The following MAP2 variants were observed in gnomAD, a reference collection of about 807,000 sequenced individuals.
MAP2 encodes microtubule associated protein 2, also known as microtubule-associated protein 2.
In MAP2, 14 loss-of-function variants were observed where a neutral mutation model predicts 137.6. The observed-to-expected ratio is 0.10, with a 90% confidence interval of 0.07 to 0.16. The LOEUF (loss-of-function observed/expected upper bound fraction) is 0.16, where lower values mean the gene tolerates loss of function less well. Ranked by LOEUF, MAP2 falls within the 10% of genes least tolerant of loss-of-function variation. The pLI, the probability that MAP2 is intolerant of heterozygous loss-of-function variation, is 1.00. For missense variants in MAP2, 2,088 were observed against 2,191.5 expected (o/e 0.95, Z 0.94); for synonymous variants, 786 against 782.3 (o/e 1.00, Z -0.08).
intron 2 of MAP2, among the ~76,000 whole-genome samples, chr2:209,551,813 A>G (rs1281600655): frequency 6.6e-6 from 1 of 152,222 alleles, no homozygotes; most frequent in Non-Finnish European, 1.5e-5. Context: ...ATATGCTGTT[A>G]CTTTGTACAC....
Position 209,696,625 on chromosome 2 carries a change from C to T in MAP2, c.4264C>T (p.Leu1422Phe). 1 of 1,613,760 alleles carries T rather than the reference C, an allele frequency of 6.2e-7. No homozygotes were observed. Among genetic ancestry groups the T allele is most frequent in the Non-Finnish European group, 8.5e-7 (1 of 1,179,860 alleles). The change falls in exon 9 of 16, where the codon CTT becomes TTT. Residue 1422 changes from leucine (L) to phenylalanine (F), a missense_variant. Transcript: ENST00000682079. ...KAEKEARRSS[L>F]EKHRKEKPFK... ...TGAAAAGGAAGCTCGGAGATCATCT[C>T]TTGAGAAACATAGAAAAGAAAAGCC...
chr2:209,581,606 T>C (rs756404104), intron 3 of MAP2, among the ~76,000 whole-genome samples: 11 of 152,176 alleles, frequency 7.2e-5, no homozygotes, highest in Non-Finnish European at 1.3e-4. Flanking sequence ...AAAATCTATT[T>C]GGTATTTGCC....
At chr2:209,536,823 A>T (rs1034748506) in intron 2 of MAP2, among the ~76,000 whole-genome samples, 2 of 152,216 alleles carry the variant, frequency 1.3e-5, no homozygotes, top group African/African-American at 4.8e-5. Flanking sequence ...GTCAGACAGA[A>T]CATAAATTTA....
rs189058830 is a variant in MAP2 at position 209,640,036 on chromosome 2, A to G, written c.-29-13106A>G. Among the ~76,000 whole-genome samples, 325 of 152,252 alleles carry G rather than the reference A, an allele frequency of 2.1e-3. 3 individuals are homozygous for G. Among genetic ancestry groups the G allele is most frequent in the African/African-American group, 6.9e-3 (286 of 41,546 alleles). Reference sequence around the variant, plus strand: ...CCAAGTCTCAAAAACAAACAAAACAAAAACAAAAATGTAGGATTTGGTCAT... The same window carrying G: ...CCAAGTCTCAAAAACAAACAAAACAGAAACAAAAATGTAGGATTTGGTCAT... On this transcript the variant is annotated intron_variant, in intron 4 of 15. Transcript: ENST00000682079.
chr2:209,528,748 G>A (rs1380522983), intron 2 of MAP2, among the ~76,000 whole-genome samples: 1 of 144,560 alleles, frequency 6.9e-6, no homozygotes, highest in Non-Finnish European at 1.5e-5. Flanking sequence ...ATGTATATAT[G>A]TACATATGTA....
At chr2:209,607,272 A>T (rs2085102902) in intron 3 of MAP2, among the ~76,000 whole-genome samples, 1 of 152,238 alleles carries the variant, frequency 6.6e-6, no homozygotes, top group South Asian at 2.1e-4. Context: ...AGACTGAAAT[A>T]CTGGGAGAAA....
chr2:209,510,252 T>C (rs1470231247), intron 2 of MAP2, among the ~76,000 whole-genome samples: 1 of 152,050 alleles, frequency 6.6e-6, no homozygotes, highest in Non-Finnish European at 1.5e-5. Context: ...AAATTAAATT[T>C]TCTATTCTAT....
intron 2 of MAP2, among the ~76,000 whole-genome samples, chr2:209,567,034 G>A (rs371299019): frequency 8.5e-5 from 13 of 152,234 alleles, no homozygotes; most frequent in African/African-American, 3.1e-4. Context: ...TAGAAAGTAT[G>A]TATAAACTGG....
chr2:209,729,061 T>A (rs538667887), intron 14 of MAP2, among the ~76,000 whole-genome samples: 1 of 152,306 alleles, frequency 6.6e-6, no homozygotes, highest in African/African-American at 2.4e-5. Context: ...ATTTGAGAGC[T>A]TGAGAAAGAC....
Position 209,578,718 on chromosome 2 carries a change from C to A in MAP2, c.-171-1318C>A, listed in dbSNP as rs575902621. Among the ~76,000 whole-genome samples the A allele has an allele frequency of 2.6e-5, 4 of 152,296 alleles. No homozygotes were observed. In the South Asian group the frequency reaches 8.3e-4, roughly 32 times the overall value. On this transcript the variant is annotated intron_variant, in intron 2 of 15. Coordinates refer to ENST00000682079, the MANE Select transcript of MAP2 (RefSeq NM_001375505.1). ...AATTATTCCACACTTAACCTCCCTA[C>A]ACAAGGGCACTGTAAAATAGGGATA...
intron 13 of MAP2, among the ~76,000 whole-genome samples, chr2:209,711,408 G>T (rs2065413714): frequency 6.6e-6 from 1 of 152,098 alleles, no homozygotes; most frequent in South Asian, 2.1e-4. Flanking sequence ...GTCTCTTTAT[G>T]GCTCTGTAAG....
intron 1 of MAP2, among the ~76,000 whole-genome samples, chr2:209,449,055 G>A (rs577283487): frequency 2.0e-5 from 3 of 152,232 alleles, no homozygotes; most frequent in African/African-American, 4.8e-5. Context: ...AGTCTTGTAC[G>A]TGCTTCCATT....
rs200486183 is a variant in MAP2 at position 209,495,220 on chromosome 2, G to A, written c.-221-12372G>A. On this transcript the variant is annotated intron_variant, in intron 1 of 15. Transcript: ENST00000682079. Reference sequence around the variant, plus strand: ...GTGGATAAAACTCCCATCTCCCGGCGACAGAGCACCTGGGGGAAGAGGGGG... The same window carrying A: ...GTGGATAAAACTCCCATCTCCCGGCAACAGAGCACCTGGGGGAAGAGGGGG... 3.2e-4 allele frequency among the ~76,000 whole-genome samples: 49 copies of A among 152,282 alleles called. No homozygotes were observed. In the East Asian group the frequency reaches 7.5e-3, roughly 23 times the overall value.
At chr2:209,723,663 C>G in intron 13 of MAP2, 1 of 1,613,946 alleles carries the variant, frequency 6.2e-7, no homozygotes, top group Non-Finnish European at 8.5e-7. Context: ...AGGATAACAT[C>G]AAACATTCGG....
intron 1 of MAP2, among the ~76,000 whole-genome samples, chr2:209,484,321 T>A (rs1390711035): frequency 6.6e-6 from 1 of 151,556 alleles, no homozygotes; most frequent in Non-Finnish European, 1.5e-5. Context: ...AAAATGTATT[T>A]GATGGCGAGG....
At chr2:209,498,274 C>T (rs2059984299) in intron 1 of MAP2, among the ~76,000 whole-genome samples, 1 of 152,220 alleles carries the variant, frequency 6.6e-6, no homozygotes, top group African/African-American at 2.4e-5. Context: ...ACATCCACAG[C>T]ACACTGGTAC....
At chr2:209,469,687 C>A (rs2149696111) in intron 1 of MAP2, among the ~76,000 whole-genome samples, 1 of 152,248 alleles carries the variant, frequency 6.6e-6, no homozygotes, top group East Asian at 1.9e-4. Context: ...ATACACACAT[C>A]CCTCCATACA....
intron 1 of MAP2, among the ~76,000 whole-genome samples, chr2:209,505,895 C>T (rs2060986470): frequency 6.6e-6 from 1 of 151,894 alleles, no homozygotes; most frequent in Admixed American, 6.6e-5. Flanking sequence ...CCGATTGAGC[C>T]TGGGAGGTTG....
At chr2:209,434,281 T>A (rs1333089174) in intron 1 of MAP2, among the ~76,000 whole-genome samples, 1 of 152,008 alleles carries the variant, frequency 6.6e-6, no homozygotes, top group African/African-American at 2.4e-5. Flanking sequence ...TGTTTACTTT[T>A]TTCCTAAGCA....
Sources: gnomAD v4.1 joint callset for allele counts (sites outside exome capture counted in the v4.1 genomes callset) on GRCh38, gnomAD v4.1.1 for gene constraint, MANE v1.5 for transcripts, NCBI Gene and HGNC (gene_info 2026-07-23, HGNC 2026-07-21) for gene names.